MAGI2: variants seen among roughly 807,000 people sequenced by gnomAD.
MAGI2 encodes membrane associated guanylate kinase, WW and PDZ domain containing 2.
A neutral mutation model predicts 133.3 loss-of-function variants in MAGI2; 35 were observed. The observed-to-expected ratio is 0.26, with a 90% CI of 0.20 to 0.35. The LOEUF (loss-of-function observed/expected upper bound fraction) is 0.35, where lower values mean the gene tolerates loss of function less well. Ranked by LOEUF, MAGI2 falls within the 10% of genes least tolerant of loss-of-function variation. The pLI is 1.00. For missense variants in MAGI2, 1,636 were observed against 1,863.4 expected, an observed-to-expected ratio of 0.88 and a Z score of 2.25; for synonymous variants, 729 against 710.6, an observed-to-expected ratio of 1.03 and a Z score of -0.41.
At chr7:78,607,431 G>A (rs928828697) in intron 3 of MAGI2, among the ~76,000 whole-genome samples, 4 of 150,462 alleles carry the variant, frequency 2.7e-5, no homozygotes, top group African/African-American at 2.5e-5. Flanking sequence ...AGTCAGAGAC[G>A]CTTAACAAAG....
chr7:78,543,435 G>C (rs1281465434), intron 3 of MAGI2, among the ~76,000 whole-genome samples: 1 of 152,174 alleles, frequency 6.6e-6, no homozygotes, highest in African/African-American at 2.4e-5. Context: ...TTGTAAGTTG[G>C]AATGTATCAA....
intron 2 of MAGI2, among the ~76,000 whole-genome samples, chr7:78,726,758 G>A (rs1820852308): frequency 1.3e-5 from 2 of 152,134 alleles, no homozygotes; most frequent in Non-Finnish European, 2.9e-5. Context: ...ATTTACAGCT[G>A]TATAATATTG....
chr7:78,703,592 C>T (rs1210667300), intron 2 of MAGI2, among the ~76,000 whole-genome samples: 1 of 151,982 alleles, frequency 6.6e-6, no homozygotes. Flanking sequence ...ACTAATGCTC[C>T]AAAAAGCACT....
intron 11 of MAGI2, among the ~76,000 whole-genome samples, chr7:78,196,960 T>A (rs891861504): frequency 6.6e-6 from 1 of 152,210 alleles, no homozygotes; most frequent in Non-Finnish European, 1.5e-5. Flanking sequence ...AGATCCTGGG[T>A]CAGAACCACC....
chr7:78,800,824 T>A (rs1330941940), intron 2 of MAGI2, among the ~76,000 whole-genome samples: 1 of 152,058 alleles, frequency 6.6e-6, no homozygotes, highest in Non-Finnish European at 1.5e-5. Context: ...ATGGCAGGAA[T>A]TTGTAAGATG....
At chr7:79,118,400 C>T (rs778206099) in intron 1 of MAGI2, among the ~76,000 whole-genome samples, 4 of 152,042 alleles carry the variant, frequency 2.6e-5, no homozygotes, top group Non-Finnish European at 4.4e-5. Context: ...ATGTCATAGC[C>T]ACATTCATTC....
chr7:78,264,429 T>C (rs1793805068), intron 9 of MAGI2, among the ~76,000 whole-genome samples: 1 of 152,166 alleles, frequency 6.6e-6, no homozygotes, highest in Non-Finnish European at 1.5e-5. Context: ...CTTTAATTCC[T>C]GAAGGTGAAA....
chr7:78,855,980 TTG>T (rs769647119), intron 2 of MAGI2, among the ~76,000 whole-genome samples: 22 of 152,376 alleles, frequency 1.4e-4, no homozygotes, highest in Non-Finnish European at 3.2e-4. Flanking sequence ...CATTGTGGTT[TTG>T]CTTTACATTT....
chr7:78,561,677 G>A (rs953293093), intron 3 of MAGI2, among the ~76,000 whole-genome samples: 3 of 152,262 alleles, frequency 2.0e-5, no homozygotes, highest in Non-Finnish European at 4.4e-5. Flanking sequence ...CCTCTTTTTG[G>A]AATGAATGAA....
chr7:78,163,237 A>G (rs924868927), intron 15 of MAGI2, among the ~76,000 whole-genome samples: 2 of 152,050 alleles, frequency 1.3e-5, no homozygotes, highest in Non-Finnish European at 2.9e-5. Context: ...TCCCGAGTTC[A>G]TGCCGTTCTC....
chr7:79,062,746 CCT>C (rs1813881073), intron 1 of MAGI2, among the ~76,000 whole-genome samples: 1 of 152,104 alleles, frequency 6.6e-6, no homozygotes, highest in Non-Finnish European at 1.5e-5. Flanking sequence ...CCACCTCCTC[CCT>C]GTCATCGATG....
chr7:78,171,614 A>G (rs1302789913), intron 14 of MAGI2, among the ~76,000 whole-genome samples: 3 of 152,154 alleles, frequency 2.0e-5, no homozygotes, highest in Non-Finnish European at 4.4e-5. Flanking sequence ...ACAAGACCTG[A>G]GCTCCCTGAC....
intron 6 of MAGI2, among the ~76,000 whole-genome samples, chr7:78,391,503 A>G (rs1243081691): frequency 1.3e-5 from 2 of 152,246 alleles, no homozygotes; most frequent in African/African-American, 4.8e-5. Context: ...TTTTGACAGC[A>G]TCAGAAAGAA....
intron 16 of MAGI2, among the ~76,000 whole-genome samples, chr7:78,157,864 G>A (rs544779408): frequency 3.3e-5 from 5 of 152,238 alleles, no homozygotes; most frequent in African/African-American, 1.2e-4. Context: ...TATTTCTTCA[G>A]CTTTTCATGA....
At chr7:79,227,651 TG>T (rs1365257253) in intron 1 of MAGI2, among the ~76,000 whole-genome samples, 2 of 152,238 alleles carry the variant, frequency 1.3e-5, no homozygotes, top group Non-Finnish European at 2.9e-5. Flanking sequence ...TTATTTTTAG[TG>T]AGAGTAAACA....
intron 21 of MAGI2, among the ~76,000 whole-genome samples, chr7:78,076,199 G>C (rs973386578): frequency 5.3e-5 from 8 of 152,284 alleles, no homozygotes; most frequent in African/African-American, 1.9e-4. Flanking sequence ...GCTCATGCCT[G>C]TAATCCCAGC....
At chr7:78,539,445 T>C (rs2150663018) in intron 3 of MAGI2, among the ~76,000 whole-genome samples, 1 of 152,222 alleles carries the variant, frequency 6.6e-6, no homozygotes, top group Non-Finnish European at 1.5e-5. Flanking sequence ...TTTGTATCTA[T>C]GTTCATCAGG....
At chr7:78,817,216 C>T (rs1330757059) in intron 2 of MAGI2, among the ~76,000 whole-genome samples, 1 of 152,160 alleles carries the variant, frequency 6.6e-6, no homozygotes, top group Non-Finnish European at 1.5e-5. Context: ...CATGACAAAA[C>T]TTGAGGATGA....
chr7:78,640,288 AAAAAAACAAAAAAC>A (rs145515613), intron 2 of MAGI2, among the ~76,000 whole-genome samples: 1 of 152,074 alleles, frequency 6.6e-6, no homozygotes. Flanking sequence ...ATCCTGTAAT[AAAAAAACAAAAAAC>A]AAAAAACAAA....
Sources: allele counts gnomAD v4.1 joint callset (sites outside exome capture counted in the v4.1 genomes callset), GRCh38; gene constraint gnomAD v4.1.1; transcripts MANE v1.5; gene names NCBI Gene and HGNC (gene_info 2026-07-23, HGNC 2026-07-21).